The following KIF20B variants were observed in gnomAD, a reference collection of about 807,000 sequenced individuals.
KIF20B encodes the protein kinesin-like protein KIF20B.
A neutral mutation model predicts 232.5 loss-of-function variants in KIF20B; 188 were observed. That is an observed-to-expected ratio of 0.81 (90% CI 0.72 to 0.91). The LOEUF is 0.91. Ranked by LOEUF, KIF20B falls within the 40% of genes least tolerant of loss-of-function variation. KIF20B has a pLI of 0.00. For synonymous variants in KIF20B, 712 were observed against 683.0 expected (o/e 1.04, Z -0.66); for missense variants, 2,154 against 2,055.9 (o/e 1.05, Z -0.92).
intron 16 of KIF20B, among the ~76,000 whole-genome samples, chr10:89,727,003 A>C (rs1181338229): frequency 6.7e-6 from 1 of 150,210 alleles, no homozygotes; most frequent in African/African-American, 2.5e-5. Context: ...TAGAGATGGG[A>C]TCTTGCTATG....
chr10:89,767,217 A>G (rs1196056179), intron 29 of KIF20B, among the ~76,000 whole-genome samples: 2 of 142,540 alleles, frequency 1.4e-5, no homozygotes, highest in African/African-American at 5.2e-5. Flanking sequence ...GTTCTGTGGT[A>G]TGTGTGCAGA....
intron 17 of KIF20B, 33 bp from the exon 18 acceptor site, chr10:89,729,094 AT>A (rs1256760220): frequency 7.6e-7 from 1 of 1,321,098 alleles, no homozygotes; most frequent in East Asian, 2.9e-5. Context: ...CCTAAAGTAT[AT>A]TCATGAAACA....
chr10:89,738,011 T>G lies in KIF20B; in HGVS notation c.3170T>G (p.Ile1057Ser), dbSNP rs1302731113. 3.1e-6 allele frequency: 5 copies of G among 1,613,276 alleles called. No individual in the cohort carries two copies. The highest frequency in any genetic ancestry group is 4.2e-6 in the Non-Finnish European group (5 of 1,179,534). Residue 1057 changes from isoleucine (I) to serine (S), a missense_variant, in exon 20 of 33, where the codon ATT becomes AGT. By Grantham distance (142) the Ile-to-Ser change is moderately radical. Coordinates refer to ENST00000371728, the MANE Select transcript of KIF20B (RefSeq NM_001284259.2). ...PNRENSFHSS[I>S]EAIWEECKEI... ...AGGGAAAATTCTTTCCACTCTAGTA[T>G]TGAAGCTATTTGGGAAGAATGTAAA...
intron 29 of KIF20B, among the ~76,000 whole-genome samples, chr10:89,767,004 G>A (rs986148219): frequency 6.6e-6 from 1 of 151,170 alleles, no homozygotes; most frequent in Non-Finnish European, 1.5e-5. Flanking sequence ...TTTACTATTG[G>A]CATATATCCC....
intron 26 of KIF20B, among the ~76,000 whole-genome samples, chr10:89,758,108 C>T (rs542895847): frequency 7.5e-4 from 114 of 152,000 alleles, no homozygotes; most frequent in African/African-American, 2.6e-3. Context: ...TTTAGAGTCA[C>T]CTTTTCCATT....
At chr10:89,705,223 CTT>C (rs561519478) in intron 1 of KIF20B, 69 bp from the exon 2 acceptor site, 2 of 1,371,560 alleles carry the variant, frequency 1.5e-6, no homozygotes, top group African/African-American at 2.9e-5. Context: ...GTGGGCTAGA[CTT>C]TTGAAAGTGT....
intron 19 of KIF20B, among the ~76,000 whole-genome samples, chr10:89,735,665 C>G (rs7899264): frequency 0.31 from 47,001 of 150,788 alleles, 8,276 homozygotes; most frequent in African/African-American, 0.47. Flanking sequence ...AGCCTCCCGA[C>G]TAGCTGGGAT....
In KIF20B at chr10:89,751,471, G is replaced by C. The variant is rs562653854; in HGVS notation, c.4222G>C (p.Glu1408Gln). The C allele has an allele frequency of 4.4e-6, 7 of 1,597,290 alleles. No individual in the cohort carries two copies. Among genetic ancestry groups the C allele is most frequent in the Middle Eastern group, 1.7e-4 (1 of 6,040 alleles). ...KLEEVERLAT[E>Q]LEKWKEKCND... ...AGAGGAAGTTGAAAGGCTGGCCACA[G>C]GTAAAACAAGATTGCTTACATTTCT... Residue 1408 changes from glutamate (E) to glutamine (Q), a missense_variant and splice_region_variant, in exon 24 of 33, where the codon GAA becomes CAA. Physicochemically the swap from Glu to Gln is conservative, Grantham distance 29. Transcript: ENST00000371728.
chr10:89,764,845 T>G (rs896230987), intron 29 of KIF20B, among the ~76,000 whole-genome samples: 1 of 152,168 alleles, frequency 6.6e-6, no homozygotes, highest in African/African-American at 2.4e-5. Flanking sequence ...ATTTTGTAGG[T>G]CACCTATTCA....
chr10:89,746,162 G>C (rs926919762), intron 23 of KIF20B, among the ~76,000 whole-genome samples: 12 of 152,238 alleles, frequency 7.9e-5, no homozygotes, highest in African/African-American at 2.9e-4. Context: ...GAAGGCCCCA[G>C]TGGGCGTGTT....
intron 23 of KIF20B, among the ~76,000 whole-genome samples, 154 bp downstream of exon 23, chr10:89,746,113 C>G (rs1438648240): frequency 2.6e-5 from 4 of 152,204 alleles, no homozygotes; most frequent in Non-Finnish European, 5.9e-5. Context: ...TGGGCTCTGA[C>G]CCTGTGGCAG....
chr10:89,739,813 A>G (rs1841754409), intron 21 of KIF20B, among the ~76,000 whole-genome samples: 1 of 152,036 alleles, frequency 6.6e-6, no homozygotes, highest in African/African-American at 2.4e-5. Context: ...ATATAATTTA[A>G]CCATATTTTT....
intron 26 of KIF20B, among the ~76,000 whole-genome samples, chr10:89,758,360 T>C (rs981118854): frequency 6.6e-5 from 10 of 152,072 alleles, no homozygotes; most frequent in African/African-American, 2.4e-4. Flanking sequence ...GTTTTCATTT[T>C]TCTGTTGTTT....
rs147115055 is a variant in KIF20B at position 89,738,475 on chromosome 10, G to A, written c.3634G>A (p.Val1212Ile). The part of the protein sequence containing the change: ...KEFQEHLQDS[V>I]KNTKDLNVKE... ...ATTTCAAGAACATCTTCAGGATTCT[G>A]TCAAAAACACCAAAGATTTAAATGT... The change falls in exon 20 of 33, where the codon GTC becomes ATC. Residue 1212 changes from valine (V) to isoleucine (I), a missense_variant. Coordinates refer to ENST00000371728, the MANE Select transcript of KIF20B (RefSeq NM_001284259.2). 6 of 1,605,444 alleles carry A rather than the reference G, an allele frequency of 3.7e-6. No homozygotes were observed. Among genetic ancestry groups the A allele is most frequent in the African/African-American group, 1.3e-5 (1 of 74,342 alleles).
At chr10:89,747,886 T>C (rs546150665) in intron 23 of KIF20B, among the ~76,000 whole-genome samples, 1 of 73,076 alleles carries the variant, frequency 1.4e-5, no homozygotes, top group South Asian at 6.9e-4. Context: ...TAAAGTATAA[T>C]AATAATAATA....
At position 89,716,477 on chromosome 10, in the gene KIF20B, A is replaced by C; in HGVS notation, c.982A>C (p.Arg328=). The C allele has an allele frequency of 6.3e-7, 1 of 1,585,734 alleles. No homozygotes were observed. Residue 328 remains arginine, a synonymous_variant, in exon 9 of 33, where the codon AGA becomes CGA. Coordinates refer to ENST00000371728, the MANE Select transcript of KIF20B (RefSeq NM_001284259.2). ...IQVSDSKEAY[R]LLKLGIKHQS... The stretch of plus-strand genomic sequence containing the variant: ...AGTATCTGATTCCAAAGAAGCCTAT[A>C]GACTTTTAAAACTAGGAATAAAGCA...
chr10:89,737,354 G>T (rs1159909317), intron 19 of KIF20B, 33 bp from the exon 20 acceptor site: 2 of 1,436,058 alleles, frequency 1.4e-6, no homozygotes, highest in Non-Finnish European at 1.8e-6. Flanking sequence ...ATTAAGGTTT[G>T]CCAGATTAAT....
intron 17 of KIF20B, among the ~76,000 whole-genome samples, chr10:89,728,741 T>C (rs1843246308): frequency 6.6e-6 from 1 of 151,722 alleles, no homozygotes; most frequent in Non-Finnish European, 1.5e-5. Flanking sequence ...TGACTTCAGG[T>C]AATCTCCCCA....
intron 23 of KIF20B, 100 bp from the exon 24 acceptor site, chr10:89,751,246 A>G: frequency 1.1e-6 from 1 of 950,844 alleles, no homozygotes; most frequent in Non-Finnish European, 1.6e-6. Flanking sequence ...CTAATATTCT[A>G]TTACAGTTAA....
Sources: allele counts gnomAD v4.1 joint callset (sites outside exome capture counted in the v4.1 genomes callset), GRCh38; gene constraint gnomAD v4.1.1; transcripts MANE v1.5; gene names NCBI Gene and HGNC (gene_info 2026-07-23, HGNC 2026-07-21).